Variants in DLG2 observed in about 807,000 individuals in gnomAD.
The protein encoded by DLG2 is disks large homolog 2.
A neutral mutation model predicts 132.5 loss-of-function variants in DLG2; 45 were observed. The ratio of observed to expected loss-of-function variants is 0.34; its 90% CI spans 0.27 to 0.44. The LOEUF (loss-of-function observed/expected upper bound fraction) is 0.44. Among genes scored for constraint, DLG2 ranks in the 20% least tolerant of loss-of-function variants. DLG2 has a pLI of 1.00. For missense variants in DLG2, 1,045 were observed against 1,196.9 expected (o/e 0.87, Z 1.87); for synonymous variants, 424 against 419.6 (o/e 1.01, Z -0.13).
intron 4 of DLG2, among the ~76,000 whole-genome samples, chr11:85,209,920 T>C (rs2082150819): frequency 6.6e-6 from 1 of 151,984 alleles, no homozygotes; most frequent in Non-Finnish European, 1.5e-5. Context: ...TTTGTACCTT[T>C]TATTCTCCCT....
intron 4 of DLG2, among the ~76,000 whole-genome samples, chr11:85,160,943 G>A (rs2077981550): frequency 6.6e-6 from 1 of 152,030 alleles, no homozygotes; most frequent in Non-Finnish European, 1.5e-5. Flanking sequence ...TTCAAGCAGT[G>A]TACCTCGTTC....
chr11:84,183,296 A>C (rs764785099), intron 8 of DLG2, among the ~76,000 whole-genome samples: 1 of 152,204 alleles, frequency 6.6e-6, no homozygotes, highest in Non-Finnish European at 1.5e-5. Context: ...TTAACTATGG[A>C]CTTTGAGTGA....
chr11:85,298,263 T>C (rs1023028757), intron 3 of DLG2, among the ~76,000 whole-genome samples: 1 of 152,172 alleles, frequency 6.6e-6, no homozygotes, highest in Non-Finnish European at 1.5e-5. Flanking sequence ...GTAATCAGTG[T>C]GAACTCATGG....
chr11:84,708,066 G>A (rs1422468179), intron 6 of DLG2, among the ~76,000 whole-genome samples: 1 of 151,728 alleles, frequency 6.6e-6, no homozygotes, highest in Non-Finnish European at 1.5e-5. Context: ...AACATGAAAG[G>A]AACTTTAATT....
chr11:85,357,574 C>T (rs2083806740), intron 3 of DLG2, among the ~76,000 whole-genome samples: 1 of 139,542 alleles, frequency 7.2e-6, no homozygotes. Flanking sequence ...TTGCTGGCTT[C>T]CTCTTTTCCT....
chr11:85,396,651 T>G (rs760368779), intron 3 of DLG2, among the ~76,000 whole-genome samples: 26 of 152,002 alleles, frequency 1.7e-4, no homozygotes, highest in Non-Finnish European at 3.4e-4. Context: ...CAACAGCCAA[T>G]TCAATCAAGT....
intron 6 of DLG2, among the ~76,000 whole-genome samples, chr11:84,836,545 T>C (rs956844988): frequency 6.6e-6 from 1 of 151,842 alleles, no homozygotes; most frequent in Non-Finnish European, 1.5e-5. Flanking sequence ...ACATTCCTTA[T>C]CATTATTTTC....
intron 8 of DLG2, among the ~76,000 whole-genome samples, chr11:84,192,933 A>G (rs934998111): frequency 3.9e-4 from 59 of 152,284 alleles, no homozygotes; most frequent in African/African-American, 1.4e-3. Flanking sequence ...CCCACATGAA[A>G]TCATAATAAA....
At chr11:84,456,745 ATTTAT>A (rs1285071622) in intron 7 of DLG2, among the ~76,000 whole-genome samples, 1 of 151,110 alleles carries the variant, frequency 6.6e-6, no homozygotes, top group Non-Finnish European at 1.5e-5. Flanking sequence ...TATTTCACTT[ATTTAT>A]TTTGTTTCTT....
chr11:84,707,407 A>G (rs764127264), intron 6 of DLG2, among the ~76,000 whole-genome samples: 1 of 151,854 alleles, frequency 6.6e-6, no homozygotes, highest in African/African-American at 2.4e-5. Context: ...CTTGACACTA[A>G]AAGTGTAAAT....
At position 84,942,160 on chromosome 11, in the gene DLG2, G is replaced by A. The variant is rs773547016; in HGVS notation, c.357+169501C>T. On this transcript the variant is annotated intron_variant, in intron 6 of 27. Coordinates refer to ENST00000376104, the MANE Select transcript of DLG2 (RefSeq NM_001142699.3). ...TTTTTTCTTAGTTGGTCTGGCTAGA[G>A]GTTTGTCACTTGTATCTTATGAAAA... is the stretch of plus-strand genomic sequence containing the variant. 3.6e-4 allele frequency among the ~76,000 whole-genome samples: 55 copies of A among 151,906 alleles called. 1 individual carries two copies. The highest frequency in any genetic ancestry group is 6.6e-4 in the Non-Finnish European group (45 of 67,942).
intron 7 of DLG2, among the ~76,000 whole-genome samples, chr11:84,302,677 C>G (rs1197194199): frequency 1.3e-5 from 2 of 151,946 alleles, no homozygotes; most frequent in Non-Finnish European, 2.9e-5. Context: ...CTATTTTTTA[C>G]CATAAGCTTG....
intron 20 of DLG2, among the ~76,000 whole-genome samples, chr11:83,538,497 A>G (rs1291693248): frequency 1.3e-5 from 2 of 152,296 alleles, no homozygotes; most frequent in Middle Eastern, 3.4e-3. Flanking sequence ...CTTCCTTGGC[A>G]TATGCTCCTA....
chr11:83,522,841 T>C (rs1448768018), intron 21 of DLG2, among the ~76,000 whole-genome samples: 1 of 143,022 alleles, frequency 7.0e-6, no homozygotes, highest in Admixed American at 7.3e-5. Flanking sequence ...AAATGCAAGG[T>C]AATTAGGTAT....
chr11:84,397,980 CA>C (rs2098816612), intron 7 of DLG2, among the ~76,000 whole-genome samples: 1 of 152,296 alleles, frequency 6.6e-6, no homozygotes, highest in Non-Finnish European at 1.5e-5. Flanking sequence ...ATCAATTATA[CA>C]TGAACTCTTT....
chr11:83,660,139 A>T (rs1367499245), intron 18 of DLG2, among the ~76,000 whole-genome samples: 1 of 152,072 alleles, frequency 6.6e-6, no homozygotes, highest in Non-Finnish European at 1.5e-5. Flanking sequence ...GGTTTTTGTT[A>T]TTTTTTTTCT....
At chr11:84,760,661 G>A (rs558620872) in intron 6 of DLG2, among the ~76,000 whole-genome samples, 1 of 152,154 alleles carries the variant, frequency 6.6e-6, no homozygotes, top group Non-Finnish European at 1.5e-5. Context: ...CACCTCTTCT[G>A]TGACATTATG....
intron 6 of DLG2, among the ~76,000 whole-genome samples, chr11:84,548,354 G>T (rs565810124): frequency 6.6e-6 from 1 of 152,004 alleles, no homozygotes; most frequent in East Asian, 1.9e-4. Context: ...ATATATGCAT[G>T]TGCCATGTTG....
intron 3 of DLG2, among the ~76,000 whole-genome samples, chr11:85,546,001 T>C (rs2153216054): frequency 6.6e-6 from 1 of 152,338 alleles, no homozygotes; most frequent in East Asian, 1.9e-4. Context: ...TCAGTTCTGC[T>C]CTGATATTAA....
Sources: gnomAD v4.1 joint callset for allele counts (sites outside exome capture counted in the v4.1 genomes callset) on GRCh38, gnomAD v4.1.1 for gene constraint, MANE v1.5 for transcripts, NCBI Gene and HGNC (gene_info 2026-07-23, HGNC 2026-07-21) for gene names.